Variants in ERO1A observed in about 807,000 individuals in gnomAD.
ERO1A encodes endoplasmic reticulum oxidoreductase 1 alpha.
Under a neutral mutation model 76.9 loss-of-function variants are expected in ERO1A, and 49 were observed. The ratio of observed to expected loss-of-function variants is 0.64; its 90% CI spans 0.51 to 0.81. ERO1A has a LOEUF of 0.81. Among genes scored for constraint, ERO1A ranks in the 30% least tolerant of loss-of-function variants. The probability of loss-of-function intolerance (pLI) is 0.00; values close to 1 mark genes in which losing one functional copy is unlikely to be tolerated. For missense variants in ERO1A, 448 were observed against 542.1 expected (o/e 0.83, Z 1.72); for synonymous variants, 174 against 181.2 (o/e 0.96, Z 0.32).
chr14:52,652,099 TG>T, intron 13 of ERO1A, 139 bp downstream of exon 13: 1 of 447,980 alleles, frequency 2.2e-6, no homozygotes, highest in East Asian at 3.5e-5. Context: ...CCCAAAGTGC[TG>T]GAATTACAGG....
In ERO1A at chr14:52,695,406, GCTCCT is replaced by G; in HGVS notation, c.71_75del (p.Glu24AlafsTer15). 6.5e-7 allele frequency: 1 copy of G among 1,541,210 alleles called. No homozygotes were observed. The highest frequency in any genetic ancestry group is 8.8e-7 in the Non-Finnish European group (1 of 1,142,854). ...CTCTGTGCCGCTGTCTCCGGGGGCTGCTCCTCTCCGTGGCCCGAGCTGAGCAGCCA... is the reference window on the plus strand; with the variant it reads ...CTCTGTGCCGCTGTCTCCGGGGGCTGCTCCGTGGCCCGAGCTGAGCAGCCA... On this transcript the variant is annotated frameshift_variant, in exon 1 of 16. Coordinates refer to ENST00000395686, the MANE Select transcript of ERO1A (RefSeq NM_014584.3). LOFTEE classifies it high-confidence loss of function.
At chr14:52,653,664 C>G (rs934450972) in intron 11 of ERO1A, among the ~76,000 whole-genome samples, 2 of 151,748 alleles carry the variant, frequency 1.3e-5, no homozygotes, top group African/African-American at 2.4e-5. Context: ...CACATCAGGG[C>G]AAATGAAATT....
intron 13 of ERO1A, among the ~76,000 whole-genome samples, chr14:52,651,718 T>C (rs2039874164): frequency 6.6e-6 from 1 of 152,224 alleles, no homozygotes; most frequent in African/African-American, 2.4e-5. Flanking sequence ...TGTTTTAATG[T>C]ATATTTACAA....
intron 11 of ERO1A, 23 bp from the exon 12 acceptor site, chr14:52,653,338 T>C: frequency 6.5e-7 from 1 of 1,538,600 alleles, no homozygotes; most frequent in South Asian, 1.3e-5. Flanking sequence ...AAGAATTAAA[T>C]ATTAAAAACT....
At chr14:52,690,890 C>T (rs2139793609) in intron 1 of ERO1A, among the ~76,000 whole-genome samples, 1 of 152,254 alleles carries the variant, frequency 6.6e-6, no homozygotes, top group South Asian at 2.1e-4. Context: ...GCCTCAGCCT[C>T]CTGAGTAGCT....
chr14:52,682,049 T>C (rs2041012786), intron 3 of ERO1A, among the ~76,000 whole-genome samples: 1 of 152,202 alleles, frequency 6.6e-6, no homozygotes, highest in Non-Finnish European at 1.5e-5. Context: ...TTGAATGTTA[T>C]ATTTAAACTA....
rs188473048 is a variant in ERO1A, at chr14:52,641,349, C to G, written c.*2221G>C. ...GGGCGTGGTGGCTCACGCCTGTAAT[C>G]CCAGCACTTTGGGAGGTCGAGGTGG... On this transcript the variant is annotated 3_prime_UTR_variant, in exon 16 of 16. Coordinates refer to ENST00000395686, the MANE Select transcript of ERO1A (RefSeq NM_014584.3). 46 of 151,270 alleles carry G rather than the reference C, an allele frequency of 3.0e-4. No individual in the cohort carries two copies. Among genetic ancestry groups the G allele is most frequent in the African/African-American group, 1.1e-3 (44 of 41,196 alleles). The allele number at this position is 151,270 out of a possible 1,614,324, so 9.4% of individuals were successfully genotyped here. A position where few individuals can be genotyped will look rare whatever the true frequency, so the allele number is the denominator to read the frequency against.
chr14:52,685,134 A>T (rs1427455593), intron 1 of ERO1A, among the ~76,000 whole-genome samples: 2 of 152,182 alleles, frequency 1.3e-5, no homozygotes, highest in Admixed American at 6.5e-5. Flanking sequence ...AAGATTCAGT[A>T]TTTCAGAACA....
At chr14:52,667,179 C>T (rs1352353821) in intron 6 of ERO1A, among the ~76,000 whole-genome samples, 1 of 152,178 alleles carries the variant, frequency 6.6e-6, no homozygotes, top group East Asian at 1.9e-4. Flanking sequence ...TTGTACACTG[C>T]GTGTTACCAA....
chr14:52,647,809 T>C (rs534739071), intron 13 of ERO1A, among the ~76,000 whole-genome samples: 109 of 152,278 alleles, frequency 7.2e-4, no homozygotes, highest in African/African-American at 2.5e-3. Flanking sequence ...AAATCTGACA[T>C]ACATCTCAGA....
At chr14:52,652,853 C>A (rs1315520467) in intron 12 of ERO1A, among the ~76,000 whole-genome samples, 1 of 151,948 alleles carries the variant, frequency 6.6e-6, no homozygotes, top group Non-Finnish European at 1.5e-5. Context: ...CAAAAATTAG[C>A]CCGGTGTGGT....
At chr14:52,687,235 G>C (rs2041206582) in intron 1 of ERO1A, among the ~76,000 whole-genome samples, 1 of 152,028 alleles carries the variant, frequency 6.6e-6, no homozygotes, top group Non-Finnish European at 1.5e-5. Context: ...AGATCAGCCT[G>C]AGCAACATGG....
intron 1 of ERO1A, among the ~76,000 whole-genome samples, chr14:52,684,140 CACACACACACAG>C (rs1175110824): frequency 3.2e-5 from 4 of 125,354 alleles, no homozygotes; most frequent in Admixed American, 8.9e-5. Flanking sequence ...CACACACACA[CACACACACACAG>C]AGAGAGTTGG....
chr14:52,691,886 T>C (rs1192221270), intron 1 of ERO1A, among the ~76,000 whole-genome samples: 1 of 152,220 alleles, frequency 6.6e-6, no homozygotes, highest in Non-Finnish European at 1.5e-5. Context: ...TATACAGATT[T>C]ACAAGTCTAA....
chr14:52,663,846 G>T lies in ERO1A; in HGVS notation c.631C>A (p.Pro211Thr), dbSNP rs763423458. Residue 211 changes from proline (P) to threonine (T), a missense_variant and splice_region_variant, in exon 8 of 16, where the codon CCA (proline) becomes ACA (threonine). Around this residue, in one of 2 missense-constraint regions of ERO1A, gnomAD observed 302 missense variants for 411.9 expected, o/e 0.73. Transcript: ENST00000395686. Reference protein sequence around the residue: ...NVIYEENCFKPQTIKRPLNPL... With the variant: ...NVIYEENCFKTQTIKRPLNPL... ...TTTAAAGGTCTTTTAATTGTCTGTG[G>T]CCTAGAAGTAAAAAGAATTAAAAAT... 2 of 1,540,474 alleles carry T rather than the reference G, an allele frequency of 1.3e-6. No homozygotes were observed. Among genetic ancestry groups the T allele is most frequent in the African/African-American group, 1.4e-5 (1 of 72,926 alleles).
chr14:52,648,800 G>A (rs1052493524), intron 13 of ERO1A, among the ~76,000 whole-genome samples: 1 of 152,136 alleles, frequency 6.6e-6, no homozygotes, highest in African/African-American at 2.4e-5. Context: ...TCTTGAGTAA[G>A]TCTTTGTATG....
At chr14:52,694,832 G>A (rs1327120583) in intron 1 of ERO1A, among the ~76,000 whole-genome samples, 1 of 152,068 alleles carries the variant, frequency 6.6e-6, no homozygotes, top group African/African-American at 2.4e-5. Flanking sequence ...GAAACCAGAG[G>A]GCAACTGCAG....
chr14:52,691,582 C>A (rs1419040463), intron 1 of ERO1A, among the ~76,000 whole-genome samples: 4 of 152,344 alleles, frequency 2.6e-5, no homozygotes, highest in African/African-American at 7.2e-5. Flanking sequence ...ACCAGGCTAA[C>A]AATTAAAACC....
chr14:52,646,182 T>C lies in ERO1A; in HGVS notation c.1318A>G (p.Ile440Val), dbSNP rs1452153619. Residue 440 changes from isoleucine to valine, a missense_variant, in exon 15 of 16, where the codon ATA becomes GTA. Around this residue, in one of 2 missense-constraint regions of ERO1A, gnomAD observed 302 missense variants for 411.9 expected, o/e 0.73. Transcript: ENST00000395686. ...CCAAATGCGTTGAATAATGATACTA[T>C]TTCTTGTCTGGTTAGATGGAATTCA... ...SYEFHLTRQE[I>V]VSLFNAFGRI... 2 of 1,612,042 alleles carry C rather than the reference T, an allele frequency of 1.2e-6. No homozygotes were observed. The highest frequency in any genetic ancestry group is 1.7e-6 in the Non-Finnish European group (2 of 1,179,372).
Sources: gnomAD v4.1 joint callset for allele counts (sites outside exome capture counted in the v4.1 genomes callset) on GRCh38, gnomAD v4.1.1 for gene constraint, gnomAD v4.1.1 regional missense constraint, MANE v1.5 for transcripts, NCBI Gene and HGNC (gene_info 2026-07-23, HGNC 2026-07-21) for gene names.